The following STX12 variants were observed in gnomAD, a reference collection of about 807,000 sequenced individuals.
STX12 encodes the protein syntaxin-12.
In STX12, 17 loss-of-function variants were observed where a neutral mutation model predicts 42.2. The ratio of observed to expected loss-of-function variants is 0.40; its 90% CI spans 0.28 to 0.60. The LOEUF is 0.60. STX12 is among the 20% of genes least tolerant of loss of function. The pLI, the probability that STX12 is intolerant of heterozygous loss-of-function variation, is 0.39. For synonymous variants in STX12, 108 were observed against 116.7 expected (o/e 0.93, Z 0.48); for missense variants, 297 against 330.9 (o/e 0.90, Z 0.79).
intron 1 of STX12, among the ~76,000 whole-genome samples, chr1:27,775,269 T>G (rs996487842): frequency 4.6e-5 from 7 of 152,070 alleles, no homozygotes; most frequent in African/African-American, 1.7e-4. Flanking sequence ...AGTTTTAAAT[T>G]TAAATTTAAA....
chr1:27,798,953 C>CA (rs56799050), intron 3 of STX12, among the ~76,000 whole-genome samples: 7,866 of 78,082 alleles, frequency 0.1, 430 homozygotes, highest in East Asian at 0.34. Context: ...GACCCTGTCT[C>CA]AAAAAAAAAA....
intron 2 of STX12, 119 bp downstream of exon 2, chr1:27,789,750 G>C (rs1484740688): frequency 1.4e-6 from 1 of 698,662 alleles, no homozygotes; most frequent in African/African-American, 1.8e-5. Context: ...AGTGGGTCAT[G>C]AGATAAGAGC....
chr1:27,815,958 T>C (rs1309154174), intron 6 of STX12, among the ~76,000 whole-genome samples: 2 of 151,234 alleles, frequency 1.3e-5, no homozygotes, highest in African/African-American at 4.9e-5. Context: ...GGCGGATCAG[T>C]TGAGGTCAGG....
chr1:27,792,182 G>GTATA (rs1418748478), intron 2 of STX12, among the ~76,000 whole-genome samples: 2 of 106,066 alleles, frequency 1.9e-5, no homozygotes, highest in African/African-American at 1.3e-4. Flanking sequence ...ACATATATAT[G>GTATA]TATCTATATA....
chr1:27,788,721 A>G (rs898864495), intron 1 of STX12, among the ~76,000 whole-genome samples: 9 of 152,174 alleles, frequency 5.9e-5, no homozygotes, highest in Non-Finnish European at 1.3e-4. Context: ...ATGGAAGTAT[A>G]TCTACTAAGG....
chr1:27,794,486 T>A (rs1318370514), intron 3 of STX12, among the ~76,000 whole-genome samples: 1 of 152,226 alleles, frequency 6.6e-6, no homozygotes, highest in East Asian at 1.9e-4. Flanking sequence ...GTCATTTTCT[T>A]CAGTGGCCAT....
In STX12 at chr1:27,823,289, A is replaced by G. The variant is rs2088998035; in HGVS notation, c.*960A>G. On this transcript the variant is annotated 3_prime_UTR_variant, in exon 9 of 9. Transcript: ENST00000373943. The stretch of plus-strand genomic sequence containing the variant: ...AAGGCAGGAAGATTTTTAAAGATAG[A>G]TTGAGGTTGGTTTAAAATTATTCCT... 6.6e-6 allele frequency: 1 copy of G among 152,532 alleles called. No homozygotes were observed. Among genetic ancestry groups the G allele is most frequent in the African/African-American group, 2.4e-5 (1 of 41,458 alleles). The allele number at this position is 152,532 out of a possible 1,614,324, so 9.4% of individuals were successfully genotyped here.
intron 3 of STX12, among the ~76,000 whole-genome samples, chr1:27,797,260 T>C (rs970591045): frequency 6.6e-6 from 1 of 152,222 alleles, no homozygotes; most frequent in Non-Finnish European, 1.5e-5. Flanking sequence ...TTTTGCCACG[T>C]TGGCCAGGTT....
intron 4 of STX12, among the ~76,000 whole-genome samples, chr1:27,806,671 A>G (rs1174821647): frequency 6.6e-6 from 1 of 152,216 alleles, no homozygotes; most frequent in East Asian, 1.9e-4. Flanking sequence ...CAGCCATTTT[A>G]TCTATCTGTA....
chr1:27,786,349 T>G (rs2088698857), intron 1 of STX12, among the ~76,000 whole-genome samples: 1 of 152,182 alleles, frequency 6.6e-6, no homozygotes, highest in Admixed American at 6.5e-5. Flanking sequence ...TCTTTCACTT[T>G]GGATCTCAGC....
chr1:27,804,726 G>T (rs539540256), intron 4 of STX12, among the ~76,000 whole-genome samples: 5 of 150,566 alleles, frequency 3.3e-5, no homozygotes, highest in Admixed American at 1.3e-4. Context: ...CAGGAGACTC[G>T]CTTCAACCCG....
chr1:27,779,223 G>T (rs910552811), intron 1 of STX12, among the ~76,000 whole-genome samples: 10 of 152,178 alleles, frequency 6.6e-5, no homozygotes, highest in Non-Finnish European at 1.0e-4. Context: ...TATACTGATG[G>T]TGCTATCAGC....
intron 3 of STX12, among the ~76,000 whole-genome samples, chr1:27,796,861 A>T (rs1314780750): frequency 6.6e-6 from 1 of 151,846 alleles, no homozygotes; most frequent in African/African-American, 2.4e-5. Flanking sequence ...ATGTGCCACC[A>T]TGCCCAGCTA....
At position 27,798,470 on chromosome 1, in the gene STX12, C is replaced by T. The variant is rs1265933334; in HGVS notation, c.289-3208C>T. 2.0e-5 allele frequency among the ~76,000 whole-genome samples: 3 copies of T among 151,838 alleles called. No individual in the cohort carries two copies. In the East Asian group the frequency reaches 5.8e-4, roughly 29 times the overall value. On this transcript the variant is annotated intron_variant, in intron 3 of 8. Transcript: ENST00000373943. ...GACCAGCCTGACCAACATGGCAAAA[C>T]CCCATCTCTACTAAAAATACAAAAA... is the stretch of plus-strand genomic sequence containing the variant.
chr1:27,806,069 C>T (rs1239099419), intron 4 of STX12, among the ~76,000 whole-genome samples: 1 of 152,148 alleles, frequency 6.6e-6, no homozygotes, highest in Non-Finnish European at 1.5e-5. Flanking sequence ...AATGTCGATA[C>T]ATTTCATTTT....
intron 2 of STX12, among the ~76,000 whole-genome samples, chr1:27,792,320 ACATATATATGTATCTATATATATG>A (rs2088754555): frequency 8.3e-6 from 1 of 120,438 alleles, no homozygotes; most frequent in Non-Finnish European, 1.5e-5. Flanking sequence ...ATATGTAGAT[ACATATATATGTATCTATATATATG>A]TAGATACATA....
intron 6 of STX12, among the ~76,000 whole-genome samples, chr1:27,815,403 C>T (rs1333983345): frequency 6.6e-6 from 1 of 152,142 alleles, no homozygotes; most frequent in African/African-American, 2.4e-5. Flanking sequence ...TATGTTATGG[C>T]AAAGCTAGGT....
At chr1:27,788,480 T>C (rs1210027844) in intron 1 of STX12, among the ~76,000 whole-genome samples, 2 of 152,108 alleles carry the variant, frequency 1.3e-5, no homozygotes, top group African/African-American at 4.8e-5. Context: ...GAGTTAAACA[T>C]CCAGGATTCA....
intron 1 of STX12, among the ~76,000 whole-genome samples, chr1:27,782,141 A>G (rs2088671498): frequency 1.3e-5 from 2 of 152,122 alleles, no homozygotes; most frequent in South Asian, 4.1e-4. Flanking sequence ...TTGCTCTGTC[A>G]CCCAGGATGT....
Sources: gnomAD v4.1 joint callset for allele counts (sites outside exome capture counted in the v4.1 genomes callset) on GRCh38, gnomAD v4.1.1 for gene constraint, MANE v1.5 for transcripts, NCBI Gene and HGNC (gene_info 2026-07-23, HGNC 2026-07-21) for gene names.